PPARGC1A: variants seen among roughly 807,000 people sequenced by gnomAD.
The protein encoded by PPARGC1A is PPARG coactivator 1 alpha.
PPARGC1A carries 25 observed loss-of-function variants against 88.7 expected under a neutral mutation model. That is an observed-to-expected ratio of 0.28 (90% CI 0.21 to 0.39). The LOEUF (loss-of-function observed/expected upper bound fraction) is 0.39. Ranked by LOEUF, PPARGC1A falls within the 10% of genes least tolerant of loss-of-function variation. The probability of loss-of-function intolerance (pLI) is 1.00; values close to 1 mark genes in which losing one functional copy is unlikely to be tolerated. For missense variants in PPARGC1A, 880 were observed against 968.7 expected (o/e 0.91, Z 1.22); for synonymous variants, 363 against 355.6 (o/e 1.02, Z -0.24).
At chr4:24,084,724 G>A in the PPARGC1A span, among the ~76,000 whole-genome samples, 682 of 152,192 alleles carry the variant, frequency 4.5e-3, 4 homozygotes, top group Middle Eastern at 0.024. Context: ...CAAACATTTC[G>A]TCCTCCTTGA....
chr4:23,902,958 G>A (rs981606971), upstream of PPARGC1A, among the ~76,000 whole-genome samples: 1 of 152,176 alleles, frequency 6.6e-6, no homozygotes. Context: ...TCACATAGGT[G>A]CCTTCATCCA....
chr4:24,041,223 T>C, the PPARGC1A span, among the ~76,000 whole-genome samples: 1 of 152,176 alleles, frequency 6.6e-6, no homozygotes, highest in Non-Finnish European at 1.5e-5. Context: ...GGTTGAGATA[T>C]TGGAAGGCAC....
chr4:24,111,594 C>A, the PPARGC1A span, among the ~76,000 whole-genome samples: 11 of 152,126 alleles, frequency 7.2e-5, no homozygotes, highest in Non-Finnish European at 1.2e-4. Context: ...TTTTTAGCTC[C>A]GTGGTGTCAA....
chr4:24,387,463 T>A, the PPARGC1A span, among the ~76,000 whole-genome samples: 1 of 152,038 alleles, frequency 6.6e-6, no homozygotes, highest in Non-Finnish European at 1.5e-5. Context: ...TGGTGGCTCA[T>A]GCCTGTAATC....
the PPARGC1A span, among the ~76,000 whole-genome samples, chr4:24,397,829 G>A: frequency 3.3e-4 from 51 of 152,250 alleles, no homozygotes; most frequent in South Asian, 1.9e-3. Flanking sequence ...TTAAAACAGC[G>A]AGATGCAAAA....
the PPARGC1A span, among the ~76,000 whole-genome samples, chr4:24,147,320 A>G: frequency 6.6e-6 from 1 of 152,228 alleles, no homozygotes; most frequent in Non-Finnish European, 1.5e-5. Context: ...CCGGGGATCC[A>G]TGAGCTAGGG....
chr4:24,200,209 G>A, the PPARGC1A span, among the ~76,000 whole-genome samples: 1 of 152,240 alleles, frequency 6.6e-6, no homozygotes, highest in Non-Finnish European at 1.5e-5. Flanking sequence ...CCAGACTCTA[G>A]ACTGTGTAAT....
chr4:24,188,108 A>C, the PPARGC1A span, among the ~76,000 whole-genome samples: 2 of 152,364 alleles, frequency 1.3e-5, no homozygotes, highest in East Asian at 3.9e-4. Flanking sequence ...TGTGTAAGGC[A>C]ATGGCATAAT....
intron 2 of PPARGC1A, among the ~76,000 whole-genome samples, chr4:23,844,752 G>GATATATATTATTATAAT (rs1727887681): frequency 1.1e-5 from 1 of 91,030 alleles, no homozygotes; most frequent in African/African-American, 5.1e-5. Context: ...CATAATATAT[G>GATATATATTATTATAAT]ATATATATTA....
intron 2 of PPARGC1A, among the ~76,000 whole-genome samples, chr4:23,853,387 T>A (rs1382448516): frequency 6.6e-6 from 1 of 152,118 alleles, no homozygotes; most frequent in Non-Finnish European, 1.5e-5. Flanking sequence ...CTATTACTTG[T>A]TAAAGAAATG....
At chr4:23,846,379 CTAT>C (rs1728328425) in intron 2 of PPARGC1A, among the ~76,000 whole-genome samples, 2 of 152,138 alleles carry the variant, frequency 1.3e-5, no homozygotes, top group Non-Finnish European at 2.9e-5. Flanking sequence ...TGTTTTGGAA[CTAT>C]TGGCTCCTTA....
chr4:23,984,554 CT>C, the PPARGC1A span, among the ~76,000 whole-genome samples: 1 of 151,924 alleles, frequency 6.6e-6, no homozygotes, highest in Non-Finnish European at 1.5e-5. Flanking sequence ...GAAAAGGATG[CT>C]TTAAAAAAAG....
At chr4:24,186,726 C>A in the PPARGC1A span, among the ~76,000 whole-genome samples, 1 of 151,836 alleles carries the variant, frequency 6.6e-6, no homozygotes, top group Admixed American at 6.6e-5. Context: ...TTTTCTGGGG[C>A]ACGATGGCTC....
chr4:24,030,538 T>C, the PPARGC1A span, among the ~76,000 whole-genome samples: 3 of 152,170 alleles, frequency 2.0e-5, no homozygotes, highest in East Asian at 1.9e-4. Flanking sequence ...TTTATGGAGA[T>C]CATTAATATT....
chr4:23,918,356 G>A, the PPARGC1A span, among the ~76,000 whole-genome samples: 1 of 151,792 alleles, frequency 6.6e-6, no homozygotes, highest in African/African-American at 2.4e-5. Flanking sequence ...TGAGTAGCTG[G>A]AATTATAGGT....
chr4:24,257,860 AGAGTT>A, the PPARGC1A span, among the ~76,000 whole-genome samples: 1 of 152,184 alleles, frequency 6.6e-6, no homozygotes, highest in Admixed American at 6.5e-5. Flanking sequence ...AAAGGAAGAG[AGAGTT>A]GAGAGAAGAG....
chr4:24,468,564 T>C, the PPARGC1A span, among the ~76,000 whole-genome samples: 3 of 152,218 alleles, frequency 2.0e-5, no homozygotes, highest in African/African-American at 7.2e-5. Context: ...GTTTCGGCTC[T>C]AATACACATT....
chr4:24,328,334 T>G, the PPARGC1A span, among the ~76,000 whole-genome samples: 3 of 149,406 alleles, frequency 2.0e-5, no homozygotes, highest in Non-Finnish European at 4.4e-5. Context: ...TTGGAGAGCA[T>G]GAAAATTCTG....
At chr4:24,235,171 A>G in the PPARGC1A span, among the ~76,000 whole-genome samples, 1 of 152,228 alleles carries the variant, frequency 6.6e-6, no homozygotes, top group Admixed American at 6.5e-5. Context: ...CGGATTCAGA[A>G]TCTTAAATCC....
Sources: gnomAD v4.1 joint callset for allele counts (sites outside exome capture counted in the v4.1 genomes callset) on GRCh38, gnomAD v4.1.1 for gene constraint, MANE v1.5 for transcripts, NCBI Gene and HGNC (gene_info 2026-07-23, HGNC 2026-07-21) for gene names.